Variants in PEBP4 observed in about 807,000 individuals in gnomAD.
PEBP4 encodes phosphatidylethanolamine-binding protein 4.
Under a neutral mutation model 23.9 loss-of-function variants are expected in PEBP4, and 22 were observed. The observed-to-expected ratio is 0.92, with a 90% CI of 0.66 to 1.31. The LOEUF is 1.31. PEBP4 is among the 40% of genes most tolerant of loss of function. The probability of loss-of-function intolerance (pLI) is 0.00; values close to 1 mark genes in which losing one functional copy is unlikely to be tolerated. For missense variants in PEBP4, 324 were observed against 281.7 expected, an observed-to-expected ratio of 1.15 and a Z score of -1.07; for synonymous variants, 112 against 99.3, an observed-to-expected ratio of 1.13 and a Z score of -0.76.
chr8:22,897,019 CTGTG>C (rs1298583369), intron 3 of PEBP4, among the ~76,000 whole-genome samples: 4 of 150,538 alleles, frequency 2.7e-5, no homozygotes, highest in African/African-American at 7.4e-5. Flanking sequence ...ACACATATAT[CTGTG>C]TGTATGTGTG....
chr8:22,759,173 C>T (rs947169765), intron 4 of PEBP4, among the ~76,000 whole-genome samples: 34 of 152,152 alleles, frequency 2.2e-4, no homozygotes, highest in African/African-American at 7.5e-4. Context: ...CAGACCTGGG[C>T]CCCAACACTG....
chr8:22,736,264 G>T lies in PEBP4; in HGVS notation c.358-9044C>A, dbSNP rs572651574. 5.9e-5 allele frequency among the ~76,000 whole-genome samples: 9 copies of T among 152,296 alleles called. No homozygotes were observed. In the South Asian group the frequency reaches 1.7e-3, roughly 28 times the overall value. On this transcript the variant is annotated intron_variant, in intron 4 of 6. Coordinates refer to ENST00000256404, the MANE Select transcript of PEBP4 (RefSeq NM_144962.3). ...CGGGGTGGGGTTAAGAAGAAGGAAA[G>T]AAATAAAGAACACAATATATAGTCT...
At chr8:22,936,016 G>C (rs1224059777) in intron 1 of PEBP4, among the ~76,000 whole-genome samples, 3 of 144,348 alleles carry the variant, frequency 2.1e-5, no homozygotes, top group Non-Finnish European at 4.5e-5. Context: ...TAAGGAGCTA[G>C]GGAAAAAAAA....
At chr8:22,853,152 C>T (rs190225153) in intron 3 of PEBP4, among the ~76,000 whole-genome samples, 61 of 152,354 alleles carry the variant, frequency 4.0e-4, no homozygotes, top group Admixed American at 3.7e-3. Context: ...GCGTAGAACA[C>T]GGAGGCTTCA....
intron 3 of PEBP4, among the ~76,000 whole-genome samples, chr8:22,856,736 A>AATAT (rs556592407): frequency 2.0e-5 from 3 of 151,672 alleles, no homozygotes; most frequent in African/African-American, 7.3e-5. Context: ...TAAATAAATA[A>AATAT]ATATATAGAA....
chr8:22,931,285 A>C (rs1375429805), upstream of PEBP4, among the ~76,000 whole-genome samples: 1 of 152,230 alleles, frequency 6.6e-6, no homozygotes, highest in Non-Finnish European at 1.5e-5. Context: ...TATATAATCC[A>C]GTGAGTTTTC....
At chr8:22,888,220 C>T (rs1336819264) in intron 3 of PEBP4, among the ~76,000 whole-genome samples, 4 of 145,484 alleles carry the variant, frequency 2.7e-5, no homozygotes, top group Non-Finnish European at 5.9e-5. Context: ...GTGGTATGAT[C>T]GCAGCTCACT....
At chr8:22,857,177 TA>T (rs60160714) in intron 3 of PEBP4, among the ~76,000 whole-genome samples, 22 of 151,404 alleles carry the variant, frequency 1.5e-4, no homozygotes, top group Admixed American at 5.3e-4. Flanking sequence ...TCCCTTTCTT[TA>T]AAAAAAAATC....
At chr8:22,722,318 G>C (rs1440496710) in intron 6 of PEBP4, among the ~76,000 whole-genome samples, 2 of 152,198 alleles carry the variant, frequency 1.3e-5, no homozygotes, top group Non-Finnish European at 2.9e-5. Context: ...GAAATTTGTA[G>C]ATCATCTGGA....
At chr8:22,714,901 C>T (rs932739114) in intron 6 of PEBP4, among the ~76,000 whole-genome samples, 2 of 152,196 alleles carry the variant, frequency 1.3e-5, no homozygotes, top group Non-Finnish European at 2.9e-5. Flanking sequence ...ATAACAATAA[C>T]AATAATGCAA....
At chr8:22,859,557 A>G (rs1446275681) in intron 3 of PEBP4, among the ~76,000 whole-genome samples, 2 of 152,170 alleles carry the variant, frequency 1.3e-5, no homozygotes, top group Non-Finnish European at 2.9e-5. Flanking sequence ...CTGAGATAGC[A>G]GCTTGGCATA....
chr8:22,887,612 A>C (rs1230079849), intron 3 of PEBP4: 2 of 151,982 alleles, frequency 1.3e-5, no homozygotes, highest in East Asian at 3.9e-4. Context: ...AAAACCTTTA[A>C]ACATCAGCCG....
chr8:22,931,321 T>C (rs1051488002), upstream of PEBP4, among the ~76,000 whole-genome samples: 3 of 152,196 alleles, frequency 2.0e-5, no homozygotes, highest in Non-Finnish European at 4.4e-5. Flanking sequence ...TGTGCAACCA[T>C]CACTACCAAA....
At chr8:22,844,534 T>C (rs898903958) in intron 3 of PEBP4, among the ~76,000 whole-genome samples, 1 of 152,208 alleles carries the variant, frequency 6.6e-6, no homozygotes, top group Non-Finnish European at 1.5e-5. Context: ...CCACCCACCA[T>C]GCCCAGCCGA....
At position 22,775,479 on chromosome 8, in the gene PEBP4, AG is replaced by A. The variant is rs975896085; in HGVS notation, c.357+42157del. Among the ~76,000 whole-genome samples, 8 of 150,520 alleles carry A rather than the reference AG, an allele frequency of 5.3e-5. No homozygotes were observed. Among genetic ancestry groups the A allele is most frequent in the South Asian group, 2.1e-4 (1 of 4,738 alleles). ...GCCCGTGGGTGGTGTTCACGTATGGAGGGGGGGGATTTCTTTTTAAGAGACA... is the reference window on the plus strand; with the variant it reads ...GCCCGTGGGTGGTGTTCACGTATGGAGGGGGGGATTTCTTTTTAAGAGACA... On this transcript the variant is annotated intron_variant, in intron 4 of 6. Coordinates refer to ENST00000256404, the MANE Select transcript of PEBP4 (RefSeq NM_144962.3). The surrounding 1 kb of genome is among the most constrained non-coding windows in gnomAD (Gnocchi z 4.8).
chr8:22,837,368 G>A (rs769157413), intron 3 of PEBP4, among the ~76,000 whole-genome samples: 48 of 152,150 alleles, frequency 3.2e-4, no homozygotes, highest in Middle Eastern at 3.2e-3. Context: ...TCATTTCCAC[G>A]GGTGATATTC....
chr8:22,865,843 G>T lies in PEBP4; in HGVS notation c.259-48108C>A, dbSNP rs1216590797. Among the ~76,000 whole-genome samples the T allele has an allele frequency of 6.6e-6, 1 of 152,158 alleles. No individual in the cohort carries two copies. Among genetic ancestry groups the T allele is most frequent in the East Asian group, 1.9e-4 (1 of 5,178 alleles). Reference sequence around the variant, plus strand: ...ACCCCCACCCCGGGCTCGAACTCCCGACAAGACTGAGCGCAGGGCCCACCC... The same window carrying T: ...ACCCCCACCCCGGGCTCGAACTCCCTACAAGACTGAGCGCAGGGCCCACCC... On this transcript the variant is annotated intron_variant, in intron 3 of 6. Transcript: ENST00000256404. This position sits in a 1 kb window ranked among gnomAD's most constrained non-coding sequence, Gnocchi z 6.9.
chr8:22,813,277 A>G (rs1806671861), intron 4 of PEBP4, among the ~76,000 whole-genome samples: 1 of 152,178 alleles, frequency 6.6e-6, no homozygotes, highest in South Asian at 2.1e-4. Context: ...GAACTTGCCA[A>G]TTTCCTTTTC....
rs140062600 is a variant in PEBP4 at position 22,880,798 on chromosome 8, C to A, written c.258+39386G>T. On this transcript the variant is annotated intron_variant, in intron 3 of 6. Coordinates refer to ENST00000256404, the MANE Select transcript of PEBP4 (RefSeq NM_144962.3). ...GGACCCACTGGGGCTCTGGCAGGGG[C>A]AGCCTAGACCCAGACTCTGCTCAAA... is the stretch of plus-strand genomic sequence containing the variant. 4.1e-3 allele frequency among the ~76,000 whole-genome samples: 618 copies of A among 152,342 alleles called. 3 individuals carry two copies. The highest frequency in any genetic ancestry group is 0.014 in the African/African-American group (583 of 41,578).
Sources: gnomAD v4.1 joint callset for allele counts (sites outside exome capture counted in the v4.1 genomes callset) on GRCh38, gnomAD v4.1.1 for gene constraint, Gnocchi (gnomAD v3.1) non-coding constraint, MANE v1.5 for transcripts, NCBI Gene and HGNC (gene_info 2026-07-23, HGNC 2026-07-21) for gene names.